SHROOM3: variants seen among roughly 807,000 people sequenced by gnomAD.
SHROOM3 encodes the protein protein Shroom3.
Under a neutral mutation model 138.6 loss-of-function variants are expected in SHROOM3, and 47 were observed. The ratio of observed to expected loss-of-function variants is 0.34; its 90% CI spans 0.27 to 0.43. The LOEUF is 0.43. Among genes scored for constraint, SHROOM3 ranks in the 20% least tolerant of loss-of-function variants. SHROOM3 has a pLI of 1.00. For synonymous variants in SHROOM3, 1,062 were observed against 1,063.3 expected, an observed-to-expected ratio of 1.00 and a Z score of 0.02; for missense variants, 2,491 against 2,596.5, an observed-to-expected ratio of 0.96 and a Z score of 0.88.
chr4:76,464,217 A>G (rs1164445432), intron 1 of SHROOM3, among the ~76,000 whole-genome samples: 2 of 152,250 alleles, frequency 1.3e-5, no homozygotes, highest in Non-Finnish European at 2.9e-5. Context: ...CACCTCTTGC[A>G]TCAGCATGAC....
At chr4:76,732,299 G>A (rs173156) in intron 4 of SHROOM3, among the ~76,000 whole-genome samples, 1 of 152,194 alleles carries the variant, frequency 6.6e-6, no homozygotes, top group Non-Finnish European at 1.5e-5. Flanking sequence ...GAAGCTTCTG[G>A]AAGGATTACT....
chr4:76,698,603 G>A (rs1408563357), intron 2 of SHROOM3, among the ~76,000 whole-genome samples: 4 of 152,058 alleles, frequency 2.6e-5, no homozygotes, highest in Non-Finnish European at 5.9e-5. Flanking sequence ...AAAGGGGAGG[G>A]GTCTCCTACC....
At chr4:76,581,571 C>G (rs1734054711) in intron 2 of SHROOM3, among the ~76,000 whole-genome samples, 1 of 152,110 alleles carries the variant, frequency 6.6e-6, no homozygotes, top group African/African-American at 2.4e-5. Flanking sequence ...GTGTCATCAG[C>G]CTGGGATAAA....
rs367956018 is a variant in SHROOM3, at chr4:76,563,517, C to T, written c.323+7754C>T. 5.3e-5 allele frequency among the ~76,000 whole-genome samples: 8 copies of T among 152,194 alleles called. No homozygotes were observed. In the South Asian group the frequency reaches 1.0e-3, roughly 20 times the overall value. On this transcript the variant is annotated intron_variant, in intron 2 of 10. Transcript: ENST00000296043. Reference sequence around the variant, plus strand: ...TCGGATTGCAGGAAGGGGCTCTCTACGCAAGTGTATTTGCACCATCTGGTG... The same window carrying T: ...TCGGATTGCAGGAAGGGGCTCTCTATGCAAGTGTATTTGCACCATCTGGTG...
chr4:76,464,135 C>T (rs1024035509), intron 1 of SHROOM3, among the ~76,000 whole-genome samples: 1 of 152,208 alleles, frequency 6.6e-6, no homozygotes, highest in Non-Finnish European at 1.5e-5. Context: ...TCAACACCAG[C>T]CTGTGAAAGC....
chr4:76,751,784 G>A (rs1373655173), intron 6 of SHROOM3, among the ~76,000 whole-genome samples: 1 of 152,106 alleles, frequency 6.6e-6, no homozygotes, highest in Non-Finnish European at 1.5e-5. Context: ...ACATTAGAAT[G>A]GCTGCAATTA....
Position 76,779,096 on chromosome 4 carries a change from C to G in SHROOM3, c.5910C>G (p.Pro1970=). 1 of 1,614,188 alleles carries G rather than the reference C, an allele frequency of 6.2e-7. No homozygotes were observed. The highest frequency in any genetic ancestry group is 8.5e-7 in the Non-Finnish European group (1 of 1,180,044). ...FIPKAGALAL[P]PNLTSEPIPA... is the part of the protein sequence containing the mutation. ...CCAAGGCTGGGGCCCTGGCTCTGCCCCCAAACCTCACGAGTGAGCCCATTC... is the reference window on the plus strand; with the variant it reads ...CCAAGGCTGGGGCCCTGGCTCTGCCGCCAAACCTCACGAGTGAGCCCATTC... Residue 1970 remains proline (P), a synonymous_variant, in exon 11 of 11, where the codon CCC becomes CCG. Transcript: ENST00000296043.
chr4:76,604,789 G>A (rs780669930), intron 2 of SHROOM3, among the ~76,000 whole-genome samples: 3 of 152,134 alleles, frequency 2.0e-5, no homozygotes, highest in Non-Finnish European at 2.9e-5. Flanking sequence ...GTGACCTTGC[G>A]TTCAAAATAA....
At position 76,741,051 on chromosome 4, in the gene SHROOM3, C is replaced by A; in HGVS notation, c.2878C>A (p.Arg960=). The change falls in exon 5 of 11, where the codon CGG becomes AGG. Residue 960 remains arginine (R), a synonymous_variant. Coordinates refer to ENST00000296043, the MANE Select transcript of SHROOM3 (RefSeq NM_020859.4). The surrounding 1 kb of genome is among the most constrained non-coding windows in gnomAD (Gnocchi z 6.2). ...APVASRSWRP[R]PSSAHVGLRS... ...CGTGGCGTCGAGGTCCTGGCGGCCA[C>A]GGCCTTCCTCGGCCCACGTGGGGCT... 6.7e-7 allele frequency: 1 copy of A among 1,495,234 alleles called. No homozygotes were observed. The highest frequency in any genetic ancestry group is 8.9e-7 in the Non-Finnish European group (1 of 1,127,122). 92.6% of individuals were successfully genotyped at this position (1,495,234 alleles called of 1,614,324 possible).
At chr4:76,765,807 A>G (rs1722135629) in intron 9 of SHROOM3, among the ~76,000 whole-genome samples, 1 of 152,130 alleles carries the variant, frequency 6.6e-6, no homozygotes, top group Admixed American at 6.6e-5. Flanking sequence ...CCAGCCTTCA[A>G]CTCTTCAAAT....
intron 1 of SHROOM3, among the ~76,000 whole-genome samples, chr4:76,450,038 C>T (rs1348418671): frequency 6.6e-6 from 1 of 152,004 alleles, no homozygotes; most frequent in Non-Finnish European, 1.5e-5. Flanking sequence ...ATGAGGGAGG[C>T]CTTGGCAACT....
chr4:76,752,676 T>C (rs752994520), intron 6 of SHROOM3, among the ~76,000 whole-genome samples: 3 of 152,096 alleles, frequency 2.0e-5, no homozygotes, highest in African/African-American at 4.8e-5. Flanking sequence ...GGAGAAGCAT[T>C]CTCAACCAAG....
intron 2 of SHROOM3, among the ~76,000 whole-genome samples, chr4:76,652,387 G>A (rs929399599): frequency 3.3e-5 from 5 of 152,266 alleles, no homozygotes; most frequent in East Asian, 3.9e-4. Flanking sequence ...TCATGGTGGC[G>A]GCTTTAGAAC....
rs751564308 is a variant in SHROOM3, at chr4:76,739,951, G to A, written c.1778G>A (p.Ser593Asn). The A allele has an allele frequency of 6.2e-7, 1 of 1,614,160 alleles. No homozygotes were observed. The highest frequency in any genetic ancestry group is 8.5e-7 in the Non-Finnish European group (1 of 1,180,046). Residue 593 changes from serine (S) to asparagine (N), a missense_variant, in exon 5 of 11, where the codon AGT (serine) becomes AAT (asparagine). Ser to Asn is a conservative substitution (Grantham distance 46). Coordinates refer to ENST00000296043, the MANE Select transcript of SHROOM3 (RefSeq NM_020859.4). The part of the protein sequence containing the change: ...PHSNERKSTH[S>N]NKPSSHPHSL... ...TCCAATGAGAGAAAGAGCACCCACA[G>A]TAACAAACCATCTTCTCATCCCCAC...
intron 1 of SHROOM3, among the ~76,000 whole-genome samples, chr4:76,504,822 T>C (rs925137311): frequency 2.6e-5 from 4 of 152,174 alleles, no homozygotes; most frequent in Admixed American, 2.0e-4. Flanking sequence ...ATCATTACTA[T>C]CATCTGGATG....
chr4:76,743,119 TCTC>T, intron 5 of SHROOM3, among the ~76,000 whole-genome samples: 1 of 152,306 alleles, frequency 6.6e-6, no homozygotes, highest in Admixed American at 6.5e-5. Context: ...TGAAAGTGCT[TCTC>T]CTGAAGGGAA....
chr4:76,563,201 T>C (rs1421224629), intron 2 of SHROOM3, among the ~76,000 whole-genome samples: 2 of 152,236 alleles, frequency 1.3e-5, no homozygotes, highest in Non-Finnish European at 2.9e-5. Flanking sequence ...GAGCTTCTAT[T>C]GTACAGTCTC....
chr4:76,726,579 C>T (rs937111527), intron 3 of SHROOM3, among the ~76,000 whole-genome samples: 1 of 148,356 alleles, frequency 6.7e-6, no homozygotes, highest in Admixed American at 6.8e-5. Context: ...GAGACTGTCT[C>T]TCTGGAAGCT....
At position 76,555,611 on chromosome 4, in the gene SHROOM3, C is replaced by T. The variant is rs753651094; in HGVS notation, c.171C>T (p.Val57=). 16 of 1,613,246 alleles carry T rather than the reference C, an allele frequency of 9.9e-6. No homozygotes were observed. The highest frequency in any genetic ancestry group is 1.3e-5 in the Non-Finnish European group (15 of 1,179,998). The change falls in exon 2 of 11, where the codon GTC becomes GTT. Residue 57 remains valine (V), a splice_region_variant and synonymous_variant. Coordinates refer to ENST00000296043, the MANE Select transcript of SHROOM3 (RefSeq NM_020859.4). ...GTCGCATCTCTCCCTCCAAGCAGGT[C>T]GAAGAAGGGGGCAAAGCAGACACCC... The part of the protein sequence containing the change: ...EHGEPLIISK[V]EEGGKADTLS...
Sources: gnomAD v4.1 joint callset for allele counts (sites outside exome capture counted in the v4.1 genomes callset) on GRCh38, gnomAD v4.1.1 for gene constraint, Gnocchi (gnomAD v3.1) non-coding constraint, MANE v1.5 for transcripts, NCBI Gene and HGNC (gene_info 2026-07-23, HGNC 2026-07-21) for gene names.